PCP4: variants seen among roughly 807,000 people sequenced by gnomAD.
PCP4 encodes calmodulin regulator protein PCP4.
PCP4 carries 8 observed loss-of-function variants against 10.0 expected under a neutral mutation model. That is an observed-to-expected ratio of 0.80 (90% CI 0.47 to 1.45). The LOEUF (loss-of-function observed/expected upper bound fraction) is 1.45. Ranked by LOEUF, PCP4 falls within the 40% of genes most tolerant of loss-of-function variation. The pLI is 0.00. For synonymous variants in PCP4, 21 were observed against 23.0 expected (o/e 0.91, Z 0.24); for missense variants, 54 against 74.4 (o/e 0.73, Z 1.01).
At chr21:39,886,715 T>C (rs2087402260) in intron 1 of PCP4, among the ~76,000 whole-genome samples, 1 of 152,234 alleles carries the variant, frequency 6.6e-6, no homozygotes. Context: ...ATCTGTGAAA[T>C]TAGAAGAGTC....
chr21:39,880,194 A>ATATCTATATC (rs1206980883), intron 1 of PCP4, among the ~76,000 whole-genome samples: 4 of 130,466 alleles, frequency 3.1e-5, no homozygotes, highest in African/African-American at 1.3e-4. Flanking sequence ...ATATCTATCT[A>ATATCTATATC]TATCTATTCC....
rs147365038 is a variant in PCP4, at chr21:39,874,778, T to C, written c.9+7268T>C. Among the ~76,000 whole-genome samples, 5 of 152,264 alleles carry C rather than the reference T, an allele frequency of 3.3e-5. No individual in the cohort carries two copies. In the East Asian group the frequency reaches 5.8e-4, roughly 18 times the overall value. On this transcript the variant is annotated intron_variant, in intron 1 of 2. Coordinates refer to ENST00000328619, the MANE Select transcript of PCP4 (RefSeq NM_006198.3). ...CCTGCTTTAAAATTTATGATTCTTA[T>C]GTACAGTAGCTCCCCCTTATCTTCA...
intron 2 of PCP4, among the ~76,000 whole-genome samples, chr21:39,910,779 G>T (rs755803476): frequency 2.0e-5 from 3 of 152,212 alleles, no homozygotes; most frequent in Non-Finnish European, 4.4e-5. Context: ...TCGCCCTTTA[G>T]CCATTTCCCC....
At chr21:39,899,562 G>C (rs2146338124) in intron 2 of PCP4, among the ~76,000 whole-genome samples, 1 of 152,286 alleles carries the variant, frequency 6.6e-6, no homozygotes, top group Admixed American at 6.5e-5. Context: ...CACCCATTTA[G>C]GGCAGTCCTA....
At chr21:39,922,206 C>T (rs1019248576) in intron 2 of PCP4, among the ~76,000 whole-genome samples, 7 of 152,096 alleles carry the variant, frequency 4.6e-5, no homozygotes, top group African/African-American at 1.7e-4. Context: ...ATAATAGTTC[C>T]TAACCTTTAT....
At chr21:39,915,807 A>G (rs1340976173) in intron 2 of PCP4, among the ~76,000 whole-genome samples, 1 of 152,212 alleles carries the variant, frequency 6.6e-6, no homozygotes, top group Non-Finnish European at 1.5e-5. Flanking sequence ...GCAGGGACAC[A>G]TCCAACAGTA....
chr21:39,907,091 G>A (rs1490195457), intron 2 of PCP4, among the ~76,000 whole-genome samples: 1 of 152,082 alleles, frequency 6.6e-6, no homozygotes, highest in African/African-American at 2.4e-5. Flanking sequence ...TTCATATTAG[G>A]TACATCTGGG....
chr21:39,884,062 G>C (rs890212620), intron 1 of PCP4, among the ~76,000 whole-genome samples: 1 of 152,166 alleles, frequency 6.6e-6, no homozygotes, highest in African/African-American at 2.4e-5. Flanking sequence ...GGATTACCTG[G>C]GTAGTTGGAT....
chr21:39,923,094 T>C (rs1390112792), intron 2 of PCP4, among the ~76,000 whole-genome samples: 3 of 152,196 alleles, frequency 2.0e-5, no homozygotes, highest in African/African-American at 7.2e-5. Flanking sequence ...AAAGGTAGAA[T>C]TCCAGGACCT....
intron 1 of PCP4, among the ~76,000 whole-genome samples, chr21:39,888,157 A>T (rs1252418214): frequency 6.6e-6 from 1 of 152,234 alleles, no homozygotes; most frequent in African/African-American, 2.4e-5. Flanking sequence ...TTACGAGAAG[A>T]CACAGCACCG....
At chr21:39,869,408 C>A (rs150400337) in intron 1 of PCP4, among the ~76,000 whole-genome samples, 9 of 152,352 alleles carry the variant, frequency 5.9e-5, no homozygotes, top group African/African-American at 2.2e-4. Context: ...CCCGCCATGG[C>A]GCTTATCAGA....
intron 2 of PCP4, among the ~76,000 whole-genome samples, chr21:39,924,197 C>T (rs916624186): frequency 1.3e-5 from 2 of 152,180 alleles, no homozygotes. Flanking sequence ...CCTTCACTGG[C>T]CTTTGCAGCT....
chr21:39,912,608 A>G (rs2087545673), intron 2 of PCP4, among the ~76,000 whole-genome samples: 1 of 152,142 alleles, frequency 6.6e-6, no homozygotes. Context: ...AATATAAAAA[A>G]AGTCTGGAGC....
intron 1 of PCP4, among the ~76,000 whole-genome samples, chr21:39,873,528 G>A (rs1481622278): frequency 6.6e-6 from 1 of 151,756 alleles, no homozygotes; most frequent in African/African-American, 2.4e-5. Flanking sequence ...TCTTTTCTTG[G>A]GGAGTTCGAA....
intron 1 of PCP4, among the ~76,000 whole-genome samples, chr21:39,880,464 A>AGTGT (rs374300626): frequency 6.7e-6 from 1 of 148,654 alleles, no homozygotes; most frequent in African/African-American, 2.6e-5. Flanking sequence ...CGTGTGTGTG[A>AGTGT]GTGTGTGTGT....
At chr21:39,920,405 TGTGA>T (rs1283663735) in intron 2 of PCP4, among the ~76,000 whole-genome samples, 2 of 150,080 alleles carry the variant, frequency 1.3e-5, no homozygotes, top group African/African-American at 4.9e-5. Context: ...GGTGTGTTTG[TGTGA>T]GTGTGTGTGG....
intron 2 of PCP4, among the ~76,000 whole-genome samples, chr21:39,927,363 ATC>A (rs1310286766): frequency 7.8e-5 from 4 of 51,412 alleles, no homozygotes; most frequent in East Asian, 3.5e-4. Context: ...CTATCTATCT[ATC>A]TATCATCTAT....
intron 2 of PCP4, among the ~76,000 whole-genome samples, chr21:39,900,842 G>A (rs147315150): frequency 1.4e-3 from 209 of 152,034 alleles, no homozygotes; most frequent in African/African-American, 4.5e-3. Context: ...CTTAAGTTAC[G>A]CTATTGATAT....
chr21:39,919,822 ATGTT>A lies in PCP4; in HGVS notation c.62-9158_62-9155del, dbSNP rs1424409743. On this transcript the variant is annotated intron_variant, in intron 2 of 2. Transcript: ENST00000328619. ...TGTGGTGTATTTGTGAGTGTGTGGTATGTTTGTGTGTTTTGTGTGTGTAGTGTGG... is the reference window on the plus strand; with the variant it reads ...TGTGGTGTATTTGTGAGTGTGTGGTATGTGTGTTTTGTGTGTGTAGTGTGG... 7.2e-4 allele frequency among the ~76,000 whole-genome samples: 106 copies of A among 146,954 alleles called. 1 individual carries two copies. Among genetic ancestry groups the A allele is most frequent in the East Asian group, 8.2e-4 (4 of 4,852 alleles).
Sources: gnomAD v4.1 joint callset for allele counts (sites outside exome capture counted in the v4.1 genomes callset) on GRCh38, gnomAD v4.1.1 for gene constraint, MANE v1.5 for transcripts, NCBI Gene and HGNC (gene_info 2026-07-23, HGNC 2026-07-21) for gene names.